SLC35E1: variants seen among roughly 807,000 people sequenced by gnomAD.
SLC35E1 encodes the protein solute carrier family 35 member E1.
In SLC35E1, 12 loss-of-function variants were observed where a neutral mutation model predicts 31.0. The ratio of observed to expected loss-of-function variants is 0.39; its 90% CI spans 0.25 to 0.63. The LOEUF (loss-of-function observed/expected upper bound fraction) is 0.63, where lower values mean the gene tolerates loss of function less well. Among genes scored for constraint, SLC35E1 ranks in the 20% least tolerant of loss-of-function variants. SLC35E1 has a pLI of 0.52. For missense variants in SLC35E1, 429 were observed against 572.2 expected, an observed-to-expected ratio of 0.75 and a Z score of 2.55; for synonymous variants, 257 against 264.1, an observed-to-expected ratio of 0.97 and a Z score of 0.26.
chr19:16,572,397 C>T lies in SLC35E1; in HGVS notation c.-33G>A. On this transcript the variant is annotated 5_prime_UTR_variant, in exon 1 of 6. Coordinates refer to ENST00000595753, the MANE Select transcript of SLC35E1 (RefSeq NM_024881.5). The surrounding 1 kb of genome is among the most constrained non-coding windows in gnomAD (Gnocchi z 4.1). The stretch of plus-strand genomic sequence containing the variant: ...GAGCGGCCGCCCCTTCCAGCCCGTC[C>T]GACGGCCCGACGCCGGGCGGGGGCG... 2.0e-6 allele frequency: 2 copies of T among 989,650 alleles called. No individual in the cohort carries two copies. The highest frequency in any genetic ancestry group is 2.4e-6 in the Non-Finnish European group (2 of 832,636). The allele number at this position is 989,650 out of a possible 1,614,324, so 61.3% of individuals were successfully genotyped here. A position where few individuals can be genotyped will look rare whatever the true frequency, so the allele number is the denominator to read the frequency against.
chr19:16,566,707 A>G (rs2085934387), intron 3 of SLC35E1, 50 bp from the exon 4 acceptor site: 4 of 1,577,610 alleles, frequency 2.5e-6, no homozygotes, highest in Non-Finnish European at 3.4e-6. Context: ...TATGTGGCAA[A>G]AAGGGCTCCA....
At chr19:16,571,849 G>A in intron 1 of SLC35E1, 95 bp downstream of exon 1, 2 of 1,323,112 alleles carry the variant, frequency 1.5e-6, no homozygotes, top group East Asian at 2.5e-5. Context: ...TCTCAGTCCG[G>A]CGGGACGCGC....
At position 16,555,214 on chromosome 19, in the gene SLC35E1, C is replaced by T; in HGVS notation, c.940G>A (p.Val314Ile). 3.1e-6 allele frequency: 5 copies of T among 1,614,186 alleles called. No individual in the cohort carries two copies. Among genetic ancestry groups the T allele is most frequent in the South Asian group, 1.1e-5 (1 of 91,086 alleles). ...TVSLIMLRNP[V>I]TSTNVLGMMT... is the part of the protein sequence containing the mutation. ...ATGCCCAGGACGTTGGTGCTGGTGA[C>T]TGGGTTGCGCAGCATGATCAGGGAC... The change falls in exon 5 of 6, where the codon GTC becomes ATC. Residue 314 changes from valine to isoleucine, a missense_variant. By Grantham distance (29) the Val-to-Ile change is conservative. Coordinates refer to ENST00000595753, the MANE Select transcript of SLC35E1 (RefSeq NM_024881.5). The surrounding 1 kb of genome is among the most constrained non-coding windows in gnomAD (Gnocchi z 4.1).
rs930476573 is a variant in SLC35E1, at chr19:16,553,739, G to A, written c.1173C>T (p.His391=). 3.1e-6 allele frequency: 5 copies of A among 1,608,450 alleles called. 1 individual carries two copies. The highest frequency in any genetic ancestry group is 2.7e-5 in the African/African-American group (2 of 74,942). ...GGTAGCTCTGCCGGCTGTATTGGAA[G>A]TGGTCTGTTAAGATGTTGTTGCGGC... ...QYGRNNILTD[H]FQYSRQSYPN... Residue 391 remains histidine (H), a synonymous_variant, in exon 6 of 6, where the codon CAC becomes CAT. Coordinates refer to ENST00000595753, the MANE Select transcript of SLC35E1 (RefSeq NM_024881.5).
chr19:16,564,894 CG>C, intron 4 of SLC35E1: 1 of 312,484 alleles, frequency 3.2e-6, no homozygotes, highest in East Asian at 8.7e-5. Flanking sequence ...CAATGTGAAA[CG>C]AAAGTTAGAA....
rs747401536 is a variant in SLC35E1, at chr19:16,553,865, G to A, written c.1047C>T (p.Pro349=). Reference sequence around the variant, plus strand: ...TGCTGCTCAGGTCTGCTGTGGTGACGGGGAGGAGGTGCTTCCTGGCTTGCT... The same window carrying A: ...TGCTGCTCAGGTCTGCTGTGGTGACAGGGAGGAGGTGCTTCCTGGCTTGCT... ...ANQQARKHLL[P]VTTADLSSKE... is the part of the protein sequence containing the mutation. The change falls in exon 6 of 6, where the codon CCC becomes CCT. Residue 349 remains proline, a synonymous_variant. Coordinates refer to ENST00000595753, the MANE Select transcript of SLC35E1 (RefSeq NM_024881.5). 26 of 1,613,062 alleles carry A rather than the reference G, an allele frequency of 1.6e-5. No homozygotes were observed. In the Middle Eastern group the frequency reaches 6.6e-4, roughly 41 times the overall value.
At chr19:16,563,348 TAATAA>T (rs2085916626) in intron 4 of SLC35E1, among the ~76,000 whole-genome samples, 1 of 151,454 alleles carries the variant, frequency 6.6e-6, no homozygotes, top group African/African-American at 2.4e-5. Context: ...TAAAATAAAA[TAATAA>T]AATAAAAAGC....
intron 4 of SLC35E1, among the ~76,000 whole-genome samples, chr19:16,561,578 G>T (rs952560511): frequency 6.6e-6 from 1 of 152,138 alleles, no homozygotes; most frequent in Non-Finnish European, 1.5e-5. Flanking sequence ...AGGAATCCCC[G>T]CCTGTCTTTT....
At chr19:16,571,705 G>A (rs2085959570) in intron 1 of SLC35E1, 123 bp from the exon 2 acceptor site, 1 of 1,106,256 alleles carries the variant, frequency 9.0e-7, no homozygotes, top group Non-Finnish European at 1.3e-6. Context: ...TTCTCTTTCG[G>A]TAGGGCTTCC....
chr19:16,554,602 A>G (rs1001140849), intron 5 of SLC35E1, among the ~76,000 whole-genome samples: 1 of 152,092 alleles, frequency 6.6e-6, no homozygotes, highest in Non-Finnish European at 1.5e-5. Context: ...AGGTGGATCA[A>G]CTGAGGTCAG....
At position 16,569,358 on chromosome 19, in the gene SLC35E1, C is replaced by T. The variant is rs535433792; in HGVS notation, c.493-1189G>A. On this transcript the variant is annotated intron_variant, in intron 2 of 5. Coordinates refer to ENST00000595753, the MANE Select transcript of SLC35E1 (RefSeq NM_024881.5). ...CTCTGTCTGTTACATCATCCGGTCC[C>T]GTTAGTGTACCTTAGAGCAGGTCCT... is the stretch of plus-strand genomic sequence containing the variant. 3.3e-5 allele frequency among the ~76,000 whole-genome samples: 5 copies of T among 150,332 alleles called. No individual in the cohort carries two copies. The South Asian group carries it at 8.4e-4, about 25-fold the overall frequency.
chr19:16,571,211 C>A lies in SLC35E1; in HGVS notation c.492+301G>T, dbSNP rs147998273. On this transcript the variant is annotated intron_variant, in intron 2 of 5. Coordinates refer to ENST00000595753, the MANE Select transcript of SLC35E1 (RefSeq NM_024881.5). ...TGGCCAAGATGTGACCAACCCATCACCTACCAGCAAACCCAGGTAGGGAAT... is the reference window on the plus strand; with the variant it reads ...TGGCCAAGATGTGACCAACCCATCAACTACCAGCAAACCCAGGTAGGGAAT... Among the ~76,000 whole-genome samples, 983 of 152,218 alleles carry A rather than the reference C, an allele frequency of 6.5e-3. 16 individuals are homozygous for A. The highest frequency in any genetic ancestry group is 0.022 in the African/African-American group (897 of 41,514).
Position 16,555,738 on chromosome 19 carries a change from C to A in SLC35E1, c.757-341G>T. 3.2e-6 allele frequency: 1 copy of A among 313,252 alleles called. No homozygotes were observed. The highest frequency in any genetic ancestry group is 6.1e-6 in the Non-Finnish European group (1 of 164,902). The allele number at this position is 313,252 out of a possible 1,614,324, so 19.4% of individuals were successfully genotyped here. A position where few individuals can be genotyped will look rare whatever the true frequency, so the allele number is the denominator to read the frequency against. ...CTGGGTTTGGCAAAGCAGGGATCTG[C>A]TTGTTGGACGCAATGCATTCTACAG... On this transcript the variant is annotated intron_variant, in intron 4 of 5. Coordinates refer to ENST00000595753, the MANE Select transcript of SLC35E1 (RefSeq NM_024881.5). The surrounding 1 kb of genome is among the most constrained non-coding windows in gnomAD (Gnocchi z 4.1).
chr19:16,553,762 G>A lies in SLC35E1; in HGVS notation c.1150C>T (p.Arg384Cys), dbSNP rs199865548. 32 of 1,612,892 alleles carry A rather than the reference G, an allele frequency of 2.0e-5. No individual in the cohort carries two copies. The highest frequency in any genetic ancestry group is 4.5e-5 in the East Asian group (2 of 44,860). The part of the protein sequence containing the change: ...FPQHGDYQYG[R>C]NNILTDHFQY... ...AAGTGGTCTGTTAAGATGTTGTTGC[G>A]GCCGTACTGATAGTCCCCGTGCTGG... Residue 384 changes from arginine to cysteine, a missense_variant, in exon 6 of 6, where the codon CGC (arginine) becomes TGC (cysteine). Transcript: ENST00000595753.
At chr19:16,568,279 C>T in intron 2 of SLC35E1, 110 bp from the exon 3 acceptor site, 1 of 1,361,260 alleles carries the variant, frequency 7.3e-7, no homozygotes, top group Non-Finnish European at 9.8e-7. Context: ...GGGATACCAC[C>T]TAACACTTTG....
At position 16,566,616 on chromosome 19, in the gene SLC35E1, G is replaced by A; in HGVS notation, c.672C>T (p.Asn224=). ...DSRIHHLRLL[N]ILGCHAVFFM... is the part of the protein sequence containing the mutation. ...AGAAGACGGCGTGGCAGCCCAGGAT[G>A]TTGAGCAGCCGGAGATGGTGGATCC... Residue 224 remains asparagine (N), a synonymous_variant, in exon 4 of 6, where the codon AAC becomes AAT. Transcript: ENST00000595753. The A allele has an allele frequency of 1.9e-6, 3 of 1,612,614 alleles. No homozygotes were observed. The South Asian group carries it at 3.3e-5, about 18-fold the overall frequency.
At position 16,555,552 on chromosome 19, in the gene SLC35E1, C is replaced by T; in HGVS notation, c.757-155G>A. 2.0e-6 allele frequency: 2 copies of T among 991,244 alleles called. No homozygotes were observed. The highest frequency in any genetic ancestry group is 2.9e-6 in the Non-Finnish European group (2 of 691,870). 61.4% of individuals were successfully genotyped at this position (991,244 alleles called of 1,614,324 possible). On this transcript the variant is annotated intron_variant, in intron 4 of 5. Transcript: ENST00000595753. The surrounding 1 kb of genome is among the most constrained non-coding windows in gnomAD (Gnocchi z 4.1). ...CCAGTCCAGATGTGTCACCAAGAGACACTAGGTGCTTTAGGTCCATGACCT... is the reference window on the plus strand; with the variant it reads ...CCAGTCCAGATGTGTCACCAAGAGATACTAGGTGCTTTAGGTCCATGACCT...
rs953622585 is a variant in SLC35E1 at position 16,559,387 on chromosome 19, A to C, written c.757-3990T>G. On this transcript the variant is annotated intron_variant, in intron 4 of 5. Transcript: ENST00000595753. ...ATAGTCCCAGCACTTTGGGAGGCTG[A>C]GGCGGGTGGATCACTTAAGCCCAGA... Among the ~76,000 whole-genome samples, 25 of 151,834 alleles carry C rather than the reference A, an allele frequency of 1.6e-4. 1 individual carries two copies. The highest frequency in any genetic ancestry group is 5.8e-4 in the African/African-American group (24 of 41,350).
intron 4 of SLC35E1, chr19:16,565,972 A>G (rs2085930280): frequency 6.6e-6 from 1 of 151,974 alleles, no homozygotes; most frequent in Non-Finnish European, 1.5e-5. Context: ...CAACATAGTG[A>G]GACCCTGTCT....
Sources: allele counts gnomAD v4.1 joint callset (sites outside exome capture counted in the v4.1 genomes callset), GRCh38; gene constraint gnomAD v4.1.1; non-coding constraint Gnocchi (gnomAD v3.1); transcripts MANE v1.5; gene names NCBI Gene and HGNC (gene_info 2026-07-23, HGNC 2026-07-21).